ELL: variants seen among roughly 807,000 people sequenced by gnomAD.
ELL encodes elongation factor for RNA polymerase II, also known as RNA polymerase II elongation factor ELL.
In ELL, 18 loss-of-function variants were observed where a neutral mutation model predicts 64.0. The ratio of observed to expected loss-of-function variants is 0.28; its 90% CI spans 0.19 to 0.42. ELL has a LOEUF of 0.42. ELL is among the 10% of genes least tolerant of loss of function. ELL has a pLI of 1.00. For missense variants in ELL, 797 were observed against 870.4 expected, an observed-to-expected ratio of 0.92 and a Z score of 1.06; for synonymous variants, 399 against 376.2, an observed-to-expected ratio of 1.06 and a Z score of -0.70.
intron 5 of ELL, among the ~76,000 whole-genome samples, chr19:18,458,747 G>A (rs1600439775): frequency 6.6e-6 from 1 of 151,840 alleles, no homozygotes; most frequent in African/African-American, 2.4e-5. Context: ...ACCCTCCCAC[G>A]TCAGCCTCCC....
intron 1 of ELL, among the ~76,000 whole-genome samples, chr19:18,491,652 T>C (rs966731019): frequency 1.3e-5 from 2 of 152,116 alleles, no homozygotes; most frequent in Non-Finnish European, 2.9e-5. Flanking sequence ...CAGGGGCTCA[T>C]GCCTATAATC....
At chr19:18,462,464 G>A (rs1974850027) in intron 4 of ELL, among the ~76,000 whole-genome samples, 1 of 150,166 alleles carries the variant, frequency 6.7e-6, no homozygotes, top group South Asian at 2.1e-4. Flanking sequence ...GCTCATTGCA[G>A]CCCCAAACTT....
intron 1 of ELL, among the ~76,000 whole-genome samples, chr19:18,484,989 G>A (rs1975380156): frequency 6.6e-6 from 1 of 152,168 alleles, no homozygotes; most frequent in African/African-American, 2.4e-5. Flanking sequence ...GGTCCTCCAG[G>A]GCACAGCATG....
rs763370491 is a variant in ELL, at chr19:18,458,376, C to T, written c.745-47G>A. On this transcript the variant is annotated intron_variant, in intron 5 of 11. Transcript: ENST00000262809. ...CACTTTGTGGGAATCCTGAGAGAGA[C>T]GGGGGACTAGAGAAAAAAGATCTGA... 3.5e-5 allele frequency: 56 copies of T among 1,587,346 alleles called. No individual in the cohort carries two copies. In the East Asian group the frequency reaches 4.8e-4, roughly 14 times the overall value.
chr19:18,454,352 A>T (rs1475387298), intron 6 of ELL, among the ~76,000 whole-genome samples: 1 of 152,056 alleles, frequency 6.6e-6, no homozygotes, highest in Non-Finnish European at 1.5e-5. Context: ...ACAAAAAATT[A>T]GCCGGGCATG....
intron 1 of ELL, among the ~76,000 whole-genome samples, chr19:18,488,503 G>A (rs1053807563): frequency 1.1e-4 from 17 of 152,218 alleles, no homozygotes; most frequent in African/African-American, 3.9e-4. Context: ...AGGCCCTGGG[G>A]CTCAGGATCC....
At chr19:18,490,381 T>C (rs1266006169) in intron 1 of ELL, among the ~76,000 whole-genome samples, 1 of 152,150 alleles carries the variant, frequency 6.6e-6, no homozygotes, top group African/African-American at 2.4e-5. Context: ...ACATTTATTA[T>C]TAATATGACA....
At chr19:18,493,350 G>T (rs1975572985) in intron 1 of ELL, among the ~76,000 whole-genome samples, 1 of 152,246 alleles carries the variant, frequency 6.6e-6, no homozygotes, top group Non-Finnish European at 1.5e-5. Flanking sequence ...CGGCCCTGAG[G>T]GGCTTGCCCT....
chr19:18,454,840 C>CAAAAAAAAAAAAAAAAAAAAAAA (rs563546343), intron 6 of ELL, among the ~76,000 whole-genome samples: 26 of 56,504 alleles, frequency 4.6e-4, no homozygotes, highest in African/African-American at 1.1e-3. Flanking sequence ...GACTCAGTCT[C>CAAAAAAAAAAAAAAAAAAAAAAA]AAAAAAAAAA....
chr19:18,508,566 G>C (rs1359533927), intron 1 of ELL, among the ~76,000 whole-genome samples: 1 of 152,220 alleles, frequency 6.6e-6, no homozygotes, highest in Non-Finnish European at 1.5e-5. Context: ...CACTGCACAG[G>C]GGCCTGGGAG....
chr19:18,461,019 G>A (rs766662693), intron 5 of ELL, among the ~76,000 whole-genome samples: 3 of 152,156 alleles, frequency 2.0e-5, no homozygotes, highest in Admixed American at 6.5e-5. Context: ...TCCAATGCCC[G>A]GGGTGTTTCT....
At position 18,450,587 on chromosome 19, in the gene ELL, G is replaced by A. The variant is rs1974504556; in HGVS notation, c.1355C>T (p.Ser452Phe). 6.2e-7 allele frequency: 1 copy of A among 1,612,746 alleles called. No homozygotes were observed. The highest frequency in any genetic ancestry group is 1.3e-5 in the African/African-American group (1 of 74,994). ...CCTCTCCTTGTCTTTGTGCTTCTTG[G>A]ACTTCTTCTTGGGCTTGCTGCGCGA... Reference protein sequence around the residue: ...SPSRSKPKKKSKKHKDKERAA... With the variant: ...SPSRSKPKKKFKKHKDKERAA... The change falls in exon 8 of 12, where the codon TCC becomes TTC. Residue 452 changes from serine to phenylalanine, a missense_variant. Physicochemically the swap from Ser to Phe is radical, Grantham distance 155. Transcript: ENST00000262809.
At position 18,457,120 on chromosome 19, in the gene ELL, G is replaced by A. The variant is rs994476168; in HGVS notation, c.869+1085C>T. 2.0e-5 allele frequency among the ~76,000 whole-genome samples: 3 copies of A among 152,172 alleles called. No homozygotes were observed. The East Asian group carries it at 5.8e-4, about 29-fold the overall frequency. Reference sequence around the variant, plus strand: ...CCAGAGTGAAAGCAGAGTGCCAAGGGGCTGGCATGAGCCCAGCAAGCTCAC... The same window carrying A: ...CCAGAGTGAAAGCAGAGTGCCAAGGAGCTGGCATGAGCCCAGCAAGCTCAC... On this transcript the variant is annotated intron_variant, in intron 6 of 11. Coordinates refer to ENST00000262809, the MANE Select transcript of ELL (RefSeq NM_006532.4).
intron 1 of ELL, among the ~76,000 whole-genome samples, chr19:18,497,815 CAAAAAAAAAAA>C (rs58521941): frequency 9.2e-5 from 5 of 54,224 alleles, no homozygotes; most frequent in South Asian, 8.6e-4. Context: ...GATCTCATCT[CAAAAAAAAAAA>C]AAAAAAAAAA....
At chr19:18,493,333 T>C (rs1037999606) in intron 1 of ELL, among the ~76,000 whole-genome samples, 1 of 152,218 alleles carries the variant, frequency 6.6e-6, no homozygotes, top group African/African-American at 2.4e-5. Flanking sequence ...AGATGGGCTC[T>C]GTGCTGCGGC....
At chr19:18,456,296 G>A (rs145665159) in intron 6 of ELL, among the ~76,000 whole-genome samples, 134 of 152,358 alleles carry the variant, frequency 8.8e-4, no homozygotes, top group African/African-American at 2.7e-3. Flanking sequence ...TACCTGGCCA[G>A]CCCCTGGCTC....
In ELL at chr19:18,446,315, C is replaced by A. The variant is rs764186250; in HGVS notation, c.1698G>T (p.Glu566Asp). 3.2e-6 allele frequency: 5 copies of A among 1,582,474 alleles called. No homozygotes were observed. In the African/African-American group the frequency reaches 6.7e-5, roughly 21 times the overall value. Residue 566 changes from glutamate (E) to aspartate (D), a missense_variant, in exon 10 of 12, where the codon GAG becomes GAT. Glu to Asp is a conservative substitution (Grantham distance 45). Coordinates refer to ENST00000262809, the MANE Select transcript of ELL (RefSeq NM_006532.4). ...GGCAGCGGGGGGGCTCTACCTCATA[C>A]TCCTCGGAGCCCTGGGAGAGCTGCC... is the stretch of plus-strand genomic sequence containing the variant. Reference protein sequence around the residue: ...QLRQLSQGSEEYETTRGQILQ... With the variant: ...QLRQLSQGSEDYETTRGQILQ...
rs1202053060 is a variant in ELL at position 18,451,625 on chromosome 19, G to A, written c.893C>T (p.Thr298Ile). 8 of 1,506,742 alleles carry A rather than the reference G, an allele frequency of 5.3e-6. No homozygotes were observed. In the African/African-American group the frequency reaches 1.0e-4, roughly 19 times the overall value. 93.3% of individuals were successfully genotyped at this position (1,506,742 alleles called of 1,614,324 possible). A position where few individuals can be genotyped will look rare whatever the true frequency, so the allele number is the denominator to read the frequency against. The change falls in exon 7 of 12, where the codon ACT becomes ATT. Residue 298 changes from threonine (T) to isoleucine (I), a missense_variant. Thr to Ile is a moderately conservative substitution (Grantham distance 89, BLOSUM62 -1). Transcript: ENST00000262809. ...AGCAGGGTCTCCAAGGAGGCTGCCAGTGCTCTGTGGCTGGCACAGCTTCCT... is the reference window on the plus strand; with the variant it reads ...AGCAGGGTCTCCAAGGAGGCTGCCAATGCTCTGTGGCTGGCACAGCTTCCT... ...LVRKLCQPQS[T>I]GSLLGDPAAS...
At chr19:18,513,800 G>A (rs1221116229) in intron 1 of ELL, among the ~76,000 whole-genome samples, 8 of 151,966 alleles carry the variant, frequency 5.3e-5, no homozygotes, top group East Asian at 1.9e-4. Flanking sequence ...GCGTGGTGGC[G>A]GGCGCCTGTA....
Sources: gnomAD v4.1 joint callset for allele counts (sites outside exome capture counted in the v4.1 genomes callset) on GRCh38, gnomAD v4.1.1 for gene constraint, MANE v1.5 for transcripts, NCBI Gene and HGNC (gene_info 2026-07-23, HGNC 2026-07-21) for gene names.